Variants in SMARCE1 observed in about 807,000 individuals in gnomAD.
The protein encoded by SMARCE1 is SWI/SNF-related matrix-associated actin-dependent regulator of chromatin subfamily E member 1.
A neutral mutation model predicts 54.9 loss-of-function variants in SMARCE1; 13 were observed. The ratio of observed to expected loss-of-function variants is 0.24; its 90% CI spans 0.15 to 0.38. SMARCE1 has a LOEUF of 0.38. Ranked by LOEUF, SMARCE1 falls within the 10% of genes least tolerant of loss-of-function variation. The probability of loss-of-function intolerance (pLI) is 1.00; values close to 1 mark genes in which losing one functional copy is unlikely to be tolerated. For synonymous variants in SMARCE1, 151 were observed against 175.3 expected, an observed-to-expected ratio of 0.86 and a Z score of 1.10; for missense variants, 295 against 523.8, an observed-to-expected ratio of 0.56 and a Z score of 4.26.
At chr17:40,634,426 C>G (rs535559921) in intron 7 of SMARCE1, 1 of 152,416 alleles carries the variant, frequency 6.6e-6, no homozygotes, top group South Asian at 2.1e-4. Flanking sequence ...AGCCATGGCG[C>G]CTGGCAATGT....
At chr17:40,630,631 T>C (rs558452766) in intron 10 of SMARCE1, 83 bp downstream of exon 10, 17 of 1,110,216 alleles carry the variant, frequency 1.5e-5, no homozygotes, top group Non-Finnish European at 1.8e-5. Flanking sequence ...ACCAGAATAC[T>C]TGCACTTAGA....
chr17:40,629,456 G>C, intron 10 of SMARCE1: 1 of 911,382 alleles, frequency 1.1e-6, no homozygotes, highest in Non-Finnish European at 1.4e-6. Flanking sequence ...CTGTTGGACA[G>C]TGAATGAGAG....
rs2037211599 is a variant in SMARCE1 at position 40,642,749 on chromosome 17, G to A, written c.52-190C>T. 1 of 554,678 alleles carries A rather than the reference G, an allele frequency of 1.8e-6. No homozygotes were observed. Among genetic ancestry groups the A allele is most frequent in the South Asian group, 2.5e-5 (1 of 40,234 alleles). The allele number at this position is 554,678 out of a possible 1,614,324, so 34.4% of individuals were successfully genotyped here. On this transcript the variant is annotated intron_variant, in intron 3 of 10. Transcript: ENST00000348513. This position sits in a 1 kb window ranked among gnomAD's most constrained non-coding sequence, Gnocchi z 4.6. The stretch of plus-strand genomic sequence containing the variant: ...TTTTCTTTCATTGAGAAACCTGTCT[G>A]CAGTGTCTTTTGGTTGTTTTTCTCT...
At chr17:40,634,859 C>T (rs999332416) in intron 7 of SMARCE1, 1 of 152,124 alleles carries the variant, frequency 6.6e-6, no homozygotes, top group African/African-American at 2.4e-5. Context: ...CATTAATCAC[C>T]CCATTTGAGT....
At chr17:40,636,166 T>C (rs1036801282) in intron 6 of SMARCE1, 64 bp from the exon 7 acceptor site, 24 of 1,336,320 alleles carry the variant, frequency 1.8e-5, no homozygotes, top group Non-Finnish European at 2.3e-5. Context: ...CAGACCTATG[T>C]TATCTCACTT....
At chr17:40,636,563 T>C in intron 5 of SMARCE1, 37 bp from the exon 6 acceptor site, 2 of 1,548,190 alleles carry the variant, frequency 1.3e-6, no homozygotes, top group Non-Finnish European at 1.8e-6. Flanking sequence ...AATACTGATG[T>C]CTAAACGTAT....
Position 40,631,606 on chromosome 17 carries a change from T to C in SMARCE1, c.802A>G (p.Asn268Asp). 3.8e-6 allele frequency: 6 copies of C among 1,566,872 alleles called. No individual in the cohort carries two copies. Among genetic ancestry groups the C allele is most frequent in the Non-Finnish European group, 5.3e-6 (6 of 1,137,836 alleles). Residue 268 changes from asparagine (N) to aspartate (D), a missense_variant, in exon 9 of 11, where the codon AAT (asparagine) becomes GAT (aspartate). Around this residue, in one of 5 missense-constraint regions of SMARCE1, gnomAD observed 101 missense variants for 183.1 expected, o/e 0.55. Transcript: ENST00000348513. Reference protein sequence around the residue: ...KFLESTDSFNNELKRLCGLKV... With the variant: ...KFLESTDSFNDELKRLCGLKV... ...TAAACAGATACCCTTTTAAGTTCAT[T>C]GTTAAATGAATCTGTGCTTTCCAGG...
At chr17:40,630,173 T>G in intron 10 of SMARCE1, 1 of 1,084,648 alleles carries the variant, frequency 9.2e-7, no homozygotes, top group Non-Finnish European at 1.4e-6. Context: ...TTTATGTAAG[T>G]TTTATTTATA....
At chr17:40,629,199 GA>G (rs1252490418) in intron 10 of SMARCE1, 2 of 547,982 alleles carry the variant, frequency 3.6e-6, no homozygotes, top group East Asian at 5.7e-5. Flanking sequence ...GTAAATGAAT[GA>G]AATTTATTAA....
At chr17:40,634,961 G>GT (rs2037131416) in intron 7 of SMARCE1, 1 of 151,940 alleles carries the variant, frequency 6.6e-6, no homozygotes, top group Non-Finnish European at 1.5e-5. Flanking sequence ...ATTCTCTATA[G>GT]TATTACATTC....
intron 1 of SMARCE1, among the ~76,000 whole-genome samples, chr17:40,646,561 A>G (rs2037259121): frequency 6.6e-6 from 1 of 152,194 alleles, no homozygotes; most frequent in South Asian, 2.1e-4. Context: ...TAACTTATCA[A>G]TATGGCTAGA....
In SMARCE1 at chr17:40,630,853, G is replaced by C. The variant is rs898665020; in HGVS notation, c.888C>G (p.Ala296=). 6.2e-7 allele frequency: 1 copy of C among 1,613,722 alleles called. No individual in the cohort carries two copies. Among genetic ancestry groups the C allele is most frequent in the Non-Finnish European group, 8.5e-7 (1 of 1,180,006 alleles). The change falls in exon 10 of 11, where the codon GCC becomes GCG. Residue 296 remains alanine (A), a synonymous_variant. Transcript: ENST00000348513. ...TCTCCCTTTCCTCCTGCCTTTTGCG[G>C]GCCTGTTCCTCTGCCTGTGCAATCT... ...AAEIAQAEEQ[A]RKRQEEREKE...
intron 3 of SMARCE1, 44 bp downstream of exon 3, chr17:40,645,532 A>T: frequency 7.4e-7 from 1 of 1,355,932 alleles, no homozygotes; most frequent in Non-Finnish European, 1.0e-6. Context: ...TTTTGTATCA[A>T]GGCCAGAGTT....
rs1040837215 is a variant in SMARCE1, at chr17:40,628,621, A to G, written c.*164T>C. 1.2e-5 allele frequency: 7 copies of G among 588,088 alleles called. No homozygotes were observed. In the Admixed American group the frequency reaches 2.1e-4, roughly 18 times the overall value. 36.4% of individuals were successfully genotyped at this position (588,088 alleles called of 1,614,324 possible). A position where few individuals can be genotyped will look rare whatever the true frequency, so the allele number is the denominator to read the frequency against. On this transcript the variant is annotated 3_prime_UTR_variant, in exon 11 of 11. Transcript: ENST00000348513. Reference sequence around the variant, plus strand: ...ATCTTCACAACACTTAAGAAAGGTGACTGACTGAGCCATTAGGCTCATGAT... The same window carrying G: ...ATCTTCACAACACTTAAGAAAGGTGGCTGACTGAGCCATTAGGCTCATGAT...
chr17:40,643,805 T>C (rs1420593674), intron 3 of SMARCE1: 2 of 152,214 alleles, frequency 1.3e-5, no homozygotes, highest in Non-Finnish European at 2.9e-5. Context: ...TGATACTCTT[T>C]AGGAGAAAAG....
chr17:40,628,843 C>G lies in SMARCE1; in HGVS notation c.1178G>C (p.Ser393Thr), dbSNP rs2037060724. Residue 393 changes from serine (S) to threonine (T), a missense_variant, in exon 11 of 11, where the codon AGT becomes ACT. Physicochemically the swap from Ser to Thr is moderately conservative, Grantham distance 58. This residue lies in a region of SMARCE1 where 147 missense variants were observed against 161.4 expected (regional missense o/e 0.91). Transcript: ENST00000348513. Reference protein sequence around the residue: ...SDSNTGSESNSATVEEPPTDP... With the variant: ...SDSNTGSESNTATVEEPPTDP... ...TGTTGGTGGCTCCTCCACTGTTGCACTGTTGCTCTCCGAGCCAGTGTTACT... is the reference window on the plus strand; with the variant it reads ...TGTTGGTGGCTCCTCCACTGTTGCAGTGTTGCTCTCCGAGCCAGTGTTACT... 1 of 1,613,882 alleles carries G rather than the reference C, an allele frequency of 6.2e-7. No individual in the cohort carries two copies. The highest frequency in any genetic ancestry group is 8.5e-7 in the Non-Finnish European group (1 of 1,179,838).
chr17:40,631,873 A>T, intron 8 of SMARCE1, 180 bp from the exon 9 acceptor site: 1 of 577,470 alleles, frequency 1.7e-6, no homozygotes, highest in Non-Finnish European at 3.1e-6. Flanking sequence ...AATGTTAAAG[A>T]ATACTGTTTC....
rs1226909525 is a variant in SMARCE1 at position 40,642,844 on chromosome 17, C to T, written c.52-285G>A. On this transcript the variant is annotated intron_variant, in intron 3 of 10. Coordinates refer to ENST00000348513, the MANE Select transcript of SMARCE1 (RefSeq NM_003079.5). The surrounding 1 kb of genome is among the most constrained non-coding windows in gnomAD (Gnocchi z 4.6). Reference sequence around the variant, plus strand: ...GTGTTTTGTTTTTTGAGGTAAGCAACACACTGAAGTGTTTAAAACATTCAG... The same window carrying T: ...GTGTTTTGTTTTTTGAGGTAAGCAATACACTGAAGTGTTTAAAACATTCAG... The T allele has an allele frequency of 2.7e-6, 1 of 372,652 alleles. No individual in the cohort carries two copies. Among genetic ancestry groups the T allele is most frequent in the Non-Finnish European group, 4.8e-6 (1 of 208,256 alleles). 23.1% of individuals were successfully genotyped at this position (372,652 alleles called of 1,614,324 possible).
intron 7 of SMARCE1, chr17:40,633,980 C>G (rs564872201): frequency 1.3e-5 from 2 of 152,202 alleles, no homozygotes; most frequent in Non-Finnish European, 2.9e-5. Flanking sequence ...TGGGCTTGTT[C>G]TTCTTTGCAT....
Sources: gnomAD v4.1 joint callset for allele counts (sites outside exome capture counted in the v4.1 genomes callset) on GRCh38, gnomAD v4.1.1 for gene constraint, gnomAD v4.1.1 regional missense constraint, Gnocchi (gnomAD v3.1) non-coding constraint, MANE v1.5 for transcripts, NCBI Gene and HGNC (gene_info 2026-07-23, HGNC 2026-07-21) for gene names.